Variants in PRKACB observed in about 807,000 individuals in gnomAD.
PRKACB encodes the protein cAMP-dependent protein kinase catalytic subunit beta.
In PRKACB, 16 loss-of-function variants were observed where a neutral mutation model predicts 51.4. The ratio of observed to expected loss-of-function variants is 0.31; its 90% CI spans 0.21 to 0.47. The LOEUF is 0.47. Among genes scored for constraint, PRKACB ranks in the 20% least tolerant of loss-of-function variants. PRKACB has a pLI of 1.00. For synonymous variants in PRKACB, 147 were observed against 154.4 expected, an observed-to-expected ratio of 0.95 and a Z score of 0.35; for missense variants, 309 against 464.5, an observed-to-expected ratio of 0.67 and a Z score of 3.08.
intron 5 of PRKACB, among the ~76,000 whole-genome samples, chr1:84,188,495 A>C (rs1167220974): frequency 6.6e-6 from 1 of 151,928 alleles, no homozygotes; most frequent in African/African-American, 2.4e-5. Flanking sequence ...GCCATGGGTA[A>C]AAATCTGATG....
At chr1:84,146,951 G>T (rs1654178714) in intron 1 of PRKACB, among the ~76,000 whole-genome samples, 1 of 152,000 alleles carries the variant, frequency 6.6e-6, no homozygotes, top group African/African-American at 2.4e-5. Context: ...GAAGTTCAAA[G>T]AAAAGCATGG....
intron 1 of PRKACB, among the ~76,000 whole-genome samples, chr1:84,090,749 A>G (rs1030002384): frequency 3.9e-5 from 6 of 152,208 alleles, no homozygotes; most frequent in Non-Finnish European, 5.9e-5. Context: ...TCCAAAGTCA[A>G]GCAGTGTCAC....
At chr1:84,138,847 G>T (rs186434506) in intron 1 of PRKACB, among the ~76,000 whole-genome samples, 1,579 of 152,120 alleles carry the variant, frequency 0.01, 14 homozygotes, top group Non-Finnish European at 0.017. Context: ...ACCAAAAGGG[G>T]TTCATTCTGA....
chr1:84,233,010 G>T (rs573335122), intron 9 of PRKACB, among the ~76,000 whole-genome samples: 1 of 151,678 alleles, frequency 6.6e-6, no homozygotes, highest in Non-Finnish European at 1.5e-5. Flanking sequence ...TCATAGTCTC[G>T]ATGGTCTTTA....
chr1:84,139,843 G>A (rs990760926), upstream of PRKACB, among the ~76,000 whole-genome samples: 16 of 152,212 alleles, frequency 1.1e-4, no homozygotes, highest in African/African-American at 3.9e-4. Flanking sequence ...CGGATCACGA[G>A]GTCAGGAGAT....
chr1:84,166,520 T>C (rs752172555), intron 1 of PRKACB, among the ~76,000 whole-genome samples: 1 of 151,734 alleles, frequency 6.6e-6, no homozygotes, highest in Non-Finnish European at 1.5e-5. Context: ...CATATTGGCT[T>C]TCCCTTCTAG....
chr1:84,233,369 G>T (rs1676074365), intron 9 of PRKACB, among the ~76,000 whole-genome samples: 1 of 146,064 alleles, frequency 6.8e-6, no homozygotes, highest in South Asian at 2.3e-4. Flanking sequence ...TTTCAACTTT[G>T]GTGAATCTGA....
intron 2 of PRKACB, 103 bp downstream of exon 2, chr1:84,179,341 G>A: frequency 7.6e-7 from 1 of 1,310,454 alleles, no homozygotes; most frequent in Admixed American, 3.1e-5. Context: ...ATTTTCATGT[G>A]GTGTTAGTAA....
chr1:84,086,273 C>A, intron 1 of PRKACB: 3 of 1,355,874 alleles, frequency 2.2e-6, no homozygotes, highest in Non-Finnish European at 3.1e-6. Flanking sequence ...CCCCATGGGA[C>A]CCCAGTAGAA....
intron 1 of PRKACB, among the ~76,000 whole-genome samples, chr1:84,085,390 T>C (rs1336228037): frequency 1.3e-5 from 2 of 152,188 alleles, no homozygotes; most frequent in Non-Finnish European, 2.9e-5. Flanking sequence ...ATATCTCACT[T>C]TGGACAAATG....
At chr1:84,233,178 A>T (rs1676033527) in intron 9 of PRKACB, among the ~76,000 whole-genome samples, 1 of 151,922 alleles carries the variant, frequency 6.6e-6, no homozygotes, top group South Asian at 2.1e-4. Context: ...TATGAAGCTT[A>T]GTTTGGCTGG....
chr1:84,082,738 A>G (rs2100741662), intron 1 of PRKACB, among the ~76,000 whole-genome samples: 1 of 152,344 alleles, frequency 6.6e-6, no homozygotes, highest in Middle Eastern at 3.4e-3. Context: ...AAATGTGACT[A>G]GTACCACTGA....
upstream of PRKACB, among the ~76,000 whole-genome samples, chr1:84,140,538 A>G (rs1653300014): frequency 6.6e-6 from 1 of 152,190 alleles, no homozygotes; most frequent in South Asian, 2.1e-4. Context: ...CACATTAAAT[A>G]TGTTTTCATG....
Position 84,237,056 on chromosome 1 carries a change from C to T in PRKACB, c.*1751C>T, listed in dbSNP as rs1676723212. ...TGTCTGAGATGTTCTTTCTACCAAT[C>T]TATATGTCTTTCGGTTATCAAGTGT... On this transcript the variant is annotated 3_prime_UTR_variant, in exon 10 of 10. Coordinates refer to ENST00000370685, the MANE Select transcript of PRKACB (RefSeq NM_182948.4). The T allele has an allele frequency of 6.6e-6, 1 of 152,190 alleles. No individual in the cohort carries two copies. Among genetic ancestry groups the T allele is most frequent in the Non-Finnish European group, 1.5e-5 (1 of 68,006 alleles). The allele number at this position is 152,190 out of a possible 1,614,324, so 9.4% of individuals were successfully genotyped here.
chr1:84,134,148 A>G (rs1447023212), intron 1 of PRKACB, among the ~76,000 whole-genome samples: 4 of 152,078 alleles, frequency 2.6e-5, no homozygotes, highest in South Asian at 2.1e-4. Context: ...CTTCTCTCCA[A>G]CGTTCAGCTG....
At chr1:84,146,238 A>T (rs1386815994) in intron 1 of PRKACB, among the ~76,000 whole-genome samples, 1 of 151,900 alleles carries the variant, frequency 6.6e-6, no homozygotes, top group African/African-American at 2.4e-5. Context: ...AATATGCATG[A>T]TGTAAGAAAT....
intron 1 of PRKACB, chr1:84,165,090 G>T (rs933085682): frequency 2.3e-5 from 27 of 1,199,700 alleles, no homozygotes; most frequent in Non-Finnish European, 2.7e-5. Context: ...TTTTTAAAGG[G>T]ACAGTTATAA....
intron 1 of PRKACB, among the ~76,000 whole-genome samples, chr1:84,105,230 C>T (rs1015022061): frequency 2.0e-5 from 3 of 152,078 alleles, no homozygotes; most frequent in Non-Finnish European, 4.4e-5. Context: ...TCTTTCTTGA[C>T]CATTCTCTAG....
chr1:84,214,034 C>A, intron 8 of PRKACB, 119 bp from the exon 9 acceptor site: 1 of 1,006,152 alleles, frequency 9.9e-7, no homozygotes, highest in Non-Finnish European at 1.4e-6. Flanking sequence ...TGAAGGTCAT[C>A]GCTCCATATT....
Sources: allele counts gnomAD v4.1 joint callset (sites outside exome capture counted in the v4.1 genomes callset), GRCh38; gene constraint gnomAD v4.1.1; transcripts MANE v1.5; gene names NCBI Gene and HGNC (gene_info 2026-07-23, HGNC 2026-07-21).